TSPAN15: variants seen among roughly 807,000 people sequenced by gnomAD.
TSPAN15 encodes the protein tetraspanin-15.
A neutral mutation model predicts 34.5 loss-of-function variants in TSPAN15; 20 were observed. The observed-to-expected ratio is 0.58, with a 90% CI of 0.41 to 0.84. The LOEUF (loss-of-function observed/expected upper bound fraction) is 0.84. Ranked by LOEUF, TSPAN15 falls within the 40% of genes least tolerant of loss-of-function variation. The pLI is 0.00. For missense variants in TSPAN15, 313 were observed against 386.1 expected, an observed-to-expected ratio of 0.81 and a Z score of 1.59; for synonymous variants, 155 against 153.9, an observed-to-expected ratio of 1.01 and a Z score of -0.05.
rs142068659 is a variant in TSPAN15, at chr10:69,495,643, A to C, written c.407A>C (p.Tyr136Ser). The C allele has an allele frequency of 5.6e-6, 9 of 1,614,188 alleles. No homozygotes were observed. Among genetic ancestry groups the C allele is most frequent in the East Asian group, 4.5e-5 (2 of 44,894 alleles). ...DNIRRGIENY[Y>S]DDLDFKNIMD... ...ATTCGAAGAGGAATTGAGAACTACT[A>C]TGATGATCTGGACTTCAAAAACATC... The change falls in exon 4 of 8, where the codon TAT (tyrosine) becomes TCT (serine). Residue 136 changes from tyrosine (Y) to serine (S), a missense_variant. Coordinates refer to ENST00000373290, the MANE Select transcript of TSPAN15 (RefSeq NM_012339.5).
At chr10:69,513,627 A>G in the TSPAN15 span, among the ~76,000 whole-genome samples, 1 of 152,256 alleles carries the variant, frequency 6.6e-6, no homozygotes, top group Non-Finnish European at 1.5e-5. Context: ...CATAGCTAAG[A>G]AATGTTTGCC....
At chr10:69,485,056 G>A in intron 2 of TSPAN15, 85 bp from the exon 3 acceptor site, 1 of 1,293,502 alleles carries the variant, frequency 7.7e-7, no homozygotes, top group Non-Finnish European at 1.1e-6. Flanking sequence ...CTTTGTGCTT[G>A]CTCTTGGAGC....
Position 69,483,815 on chromosome 10 carries a change from T to A in TSPAN15, c.221T>A (p.Phe74Tyr). The A allele has an allele frequency of 6.2e-7, 1 of 1,614,162 alleles. No individual in the cohort carries two copies. The highest frequency in any genetic ancestry group is 8.5e-7 in the Non-Finnish European group (1 of 1,180,028). The change falls in exon 2 of 8, where the codon TTC becomes TAC. Residue 74 changes from phenylalanine (F) to tyrosine (Y), a missense_variant. Coordinates refer to ENST00000373290, the MANE Select transcript of TSPAN15 (RefSeq NM_012339.5). ...CTCATCCTCCTGGGCGTCGTCATGT[T>A]CATGGTCTCCTTCATTGGTGTGCTG... is the stretch of plus-strand genomic sequence containing the variant. ...IILILLGVVMFMVSFIGVLAS... is the reference protein window; with the variant it reads ...IILILLGVVMYMVSFIGVLAS...
intron 1 of TSPAN15, among the ~76,000 whole-genome samples, chr10:69,468,224 G>C (rs1841430312): frequency 6.6e-6 from 1 of 152,014 alleles, no homozygotes; most frequent in Non-Finnish European, 1.5e-5. Flanking sequence ...ACTGGGCCCT[G>C]TGTCAGGCAC....
chr10:69,523,269 A>C, the TSPAN15 span: 121 of 344,714 alleles, frequency 3.5e-4, 21 homozygotes, highest in East Asian at 9.6e-3. Flanking sequence ...AACTCTCAAA[A>C]AATTGCCCCC....
chr10:69,532,536 G>A, the TSPAN15 span, among the ~76,000 whole-genome samples: 6 of 152,120 alleles, frequency 3.9e-5, no homozygotes, highest in African/African-American at 1.4e-4. Flanking sequence ...AACTCAAGAT[G>A]GATTAAGGAT....
chr10:69,543,984 T>C, the TSPAN15 span, among the ~76,000 whole-genome samples: 1 of 147,616 alleles, frequency 6.8e-6, no homozygotes, highest in South Asian at 2.2e-4. Context: ...GGCAGGGAGA[T>C]TGGAACTGGG....
At chr10:69,471,551 T>TTCTCTC (rs111306890) in intron 1 of TSPAN15, among the ~76,000 whole-genome samples, 2 of 151,192 alleles carry the variant, frequency 1.3e-5, no homozygotes, top group African/African-American at 4.9e-5. Context: ...CTTTCTTTCT[T>TTCTCTC]TCTCTCTCAC....
At chr10:69,520,256 G>A in the TSPAN15 span, among the ~76,000 whole-genome samples, 1 of 152,136 alleles carries the variant, frequency 6.6e-6, no homozygotes, top group Non-Finnish European at 1.5e-5. Flanking sequence ...CACAAGAATG[G>A]AATCACACAA....
At chr10:69,486,038 C>T (rs1285843360) in intron 3 of TSPAN15, among the ~76,000 whole-genome samples, 2 of 152,218 alleles carry the variant, frequency 1.3e-5, no homozygotes, top group Admixed American at 6.5e-5. Flanking sequence ...AGGATGTACG[C>T]ACCTCATACT....
At chr10:69,492,332 G>A (rs1841985965) in intron 3 of TSPAN15, among the ~76,000 whole-genome samples, 2 of 152,128 alleles carry the variant, frequency 1.3e-5, no homozygotes, top group Admixed American at 6.5e-5. Context: ...CTTGCCTCAC[G>A]GGATCTTCTC....
At chr10:69,513,044 C>T in the TSPAN15 span, among the ~76,000 whole-genome samples, 1 of 152,100 alleles carries the variant, frequency 6.6e-6, no homozygotes, top group African/African-American at 2.4e-5. Context: ...AATTTTGTAT[C>T]CCCACCAGCA....
the TSPAN15 span, among the ~76,000 whole-genome samples, chr10:69,536,646 T>C: frequency 1.3e-5 from 2 of 152,216 alleles, no homozygotes; most frequent in East Asian, 3.9e-4. Flanking sequence ...GCTGTGTCCT[T>C]TTCTCTGTAC....
In TSPAN15 at chr10:69,507,593, C is replaced by T. The variant is rs186194563; in HGVS notation, c.*615C>T. ...TGACTAATCAAAGCTGGTATTTCCC[C>T]GCATGTCTTATTCTTGCCCTTCCCC... On this transcript the variant is annotated 3_prime_UTR_variant, in exon 8 of 8. Coordinates refer to ENST00000373290, the MANE Select transcript of TSPAN15 (RefSeq NM_012339.5). The T allele has an allele frequency of 1.8e-4, 235 of 1,303,720 alleles. No individual in the cohort carries two copies. In the African/African-American group the frequency reaches 2.9e-3, roughly 16 times the overall value. 80.8% of individuals were successfully genotyped at this position (1,303,720 alleles called of 1,614,324 possible). A position where few individuals can be genotyped will look rare whatever the true frequency, so the allele number is the denominator to read the frequency against.
chr10:69,508,650 A>G (rs112352921), downstream of TSPAN15, among the ~76,000 whole-genome samples: 1,805 of 152,142 alleles, frequency 0.012, 33 homozygotes, highest in African/African-American at 0.04. Context: ...TAACAAACAC[A>G]CCATAGAGCA....
In TSPAN15 at chr10:69,492,137, G is replaced by T. The variant is rs189610676; in HGVS notation, c.358-3457G>T. Among the ~76,000 whole-genome samples, 25 of 152,280 alleles carry T rather than the reference G, an allele frequency of 1.6e-4. No homozygotes were observed. In the East Asian group the frequency reaches 3.7e-3, roughly 22 times the overall value. Reference sequence around the variant, plus strand: ...GTCCTCACTGGAGCTGCCCCTGCTGGCATGGCCTGGTTTGGAGGGGAATGG... The same window carrying T: ...GTCCTCACTGGAGCTGCCCCTGCTGTCATGGCCTGGTTTGGAGGGGAATGG... On this transcript the variant is annotated intron_variant, in intron 3 of 7. Coordinates refer to ENST00000373290, the MANE Select transcript of TSPAN15 (RefSeq NM_012339.5).
intron 3 of TSPAN15, among the ~76,000 whole-genome samples, chr10:69,486,013 C>T (rs1191159852): frequency 6.6e-6 from 1 of 152,204 alleles, no homozygotes; most frequent in African/African-American, 2.4e-5. Flanking sequence ...GCTCCCGGCT[C>T]CAGCTCCTTC....
chr10:69,510,950 T>C (rs1194418740), downstream of TSPAN15, among the ~76,000 whole-genome samples: 5 of 152,202 alleles, frequency 3.3e-5, no homozygotes. Flanking sequence ...AGATAAGCTT[T>C]TTGATGTGCT....
chr10:69,501,196 T>G (rs938369736), intron 5 of TSPAN15, among the ~76,000 whole-genome samples: 5 of 152,120 alleles, frequency 3.3e-5, no homozygotes, highest in African/African-American at 1.2e-4. Flanking sequence ...CAGCATCCCA[T>G]CAGGGGTGTC....
Sources: allele counts gnomAD v4.1 joint callset (sites outside exome capture counted in the v4.1 genomes callset), GRCh38; gene constraint gnomAD v4.1.1; transcripts MANE v1.5; gene names NCBI Gene and HGNC (gene_info 2026-07-23, HGNC 2026-07-21).